The following SAE1 variants were observed in gnomAD, a reference collection of about 807,000 sequenced individuals.
SAE1 encodes the protein SUMO-activating enzyme subunit 1.
SAE1 carries 11 observed loss-of-function variants against 40.6 expected under a neutral mutation model. The ratio of observed to expected loss-of-function variants is 0.27; its 90% CI spans 0.17 to 0.45. The LOEUF (loss-of-function observed/expected upper bound fraction) is 0.45. SAE1 is among the 20% of genes least tolerant of loss of function. The pLI is 1.00. For synonymous variants in SAE1, 155 were observed against 154.3 expected (o/e 1.00, Z -0.03); for missense variants, 373 against 427.3 (o/e 0.87, Z 1.12).
intron 1 of SAE1, among the ~76,000 whole-genome samples, chr19:47,136,944 G>A (rs1249486153): frequency 6.6e-6 from 1 of 152,180 alleles, no homozygotes; most frequent in Non-Finnish European, 1.5e-5. Context: ...GGAGAACTCT[G>A]GAGACTGGAG....
In SAE1 at chr19:47,149,965, C is replaced by T. The variant is rs554739152; in HGVS notation, c.211-237C>T. Among the ~76,000 whole-genome samples the T allele has an allele frequency of 7.1e-4, 107 of 150,312 alleles. 1 individual carries two copies. Among genetic ancestry groups the T allele is most frequent in the Middle Eastern group, 6.8e-3 (2 of 292 alleles). On this transcript the variant is annotated intron_variant, in intron 2 of 8. Transcript: ENST00000270225. ...TGGTGCGTGCTTGTAGTCCCAGCTA[C>T]TTGGGAGGCTGAGGCAGGAGGAGAA...
chr19:47,194,683 G>A lies in SAE1; in HGVS notation c.734-2550G>A, dbSNP rs75377923. 3.7e-3 allele frequency among the ~76,000 whole-genome samples: 559 copies of A among 152,022 alleles called. 4 individuals are homozygous for A. The highest frequency in any genetic ancestry group is 0.013 in the African/African-American group (528 of 41,444). On this transcript the variant is annotated intron_variant, in intron 6 of 8. Coordinates refer to ENST00000270225, the MANE Select transcript of SAE1 (RefSeq NM_005500.3). ...AGGGAACAAGAATGCCTGCCCGCCC[G>A]CAGGCAGGTTACCTGTGGACAAGGT...
At chr19:47,169,740 G>A (rs2058418745) in intron 5 of SAE1, 78 bp from the exon 6 acceptor site, 1 of 918,198 alleles carries the variant, frequency 1.1e-6, no homozygotes, top group African/African-American at 1.7e-5. Flanking sequence ...AGATTTTTCT[G>A]CAATAGAGAA....
intron 6 of SAE1, among the ~76,000 whole-genome samples, chr19:47,180,909 A>G (rs2058501731): frequency 6.6e-6 from 1 of 152,186 alleles, no homozygotes; most frequent in Admixed American, 6.5e-5. Flanking sequence ...GAAATTAACA[A>G]TCTAGGGATG....
chr19:47,196,497 G>A (rs549778805), intron 6 of SAE1, among the ~76,000 whole-genome samples: 1 of 150,784 alleles, frequency 6.6e-6, no homozygotes, highest in Admixed American at 6.6e-5. Flanking sequence ...CCAAGTAGCT[G>A]GGACTACAGG....
intron 6 of SAE1, among the ~76,000 whole-genome samples, chr19:47,185,555 CTCTG>C (rs2123286571): frequency 6.6e-6 from 1 of 152,214 alleles, no homozygotes; most frequent in East Asian, 1.9e-4. Context: ...ATCCTCCCAC[CTCTG>C]TCTACCAAAG....
At chr19:47,138,434 A>G (rs1460362962) in intron 1 of SAE1, among the ~76,000 whole-genome samples, 2 of 152,246 alleles carry the variant, frequency 1.3e-5, no homozygotes, top group Non-Finnish European at 2.9e-5. Context: ...ATTAAATGAC[A>G]TAATACATAC....
intron 6 of SAE1, among the ~76,000 whole-genome samples, chr19:47,190,123 A>G (rs1339466365): frequency 6.6e-6 from 1 of 152,160 alleles, no homozygotes; most frequent in Non-Finnish European, 1.5e-5. Flanking sequence ...TCCAGCAATG[A>G]ATGTCATCCC....
At chr19:47,131,419 G>C (rs2058141466) in intron 1 of SAE1, among the ~76,000 whole-genome samples, 1 of 152,102 alleles carries the variant, frequency 6.6e-6, no homozygotes, top group Non-Finnish European at 1.5e-5. Flanking sequence ...GAGGGTATGG[G>C]ACCTGGTTCC....
At chr19:47,166,884 C>T (rs1486606475) in intron 5 of SAE1, among the ~76,000 whole-genome samples, 2 of 152,140 alleles carry the variant, frequency 1.3e-5, no homozygotes, top group Non-Finnish European at 2.9e-5. Context: ...TGTATACTAT[C>T]TTTAACAATG....
In SAE1 at chr19:47,210,397, G is replaced by C. The variant is rs1446655723; in HGVS notation, c.*1146G>C. 6.6e-6 allele frequency: 1 copy of C among 152,060 alleles called. No individual in the cohort carries two copies. Among genetic ancestry groups the C allele is most frequent in the Non-Finnish European group, 1.5e-5 (1 of 68,022 alleles). The allele number at this position is 152,060 out of a possible 1,614,324, so 9.4% of individuals were successfully genotyped here. On this transcript the variant is annotated 3_prime_UTR_variant, in exon 9 of 9. Transcript: ENST00000270225. ...AGCTTCTGGCTCCAGTTGTCTAATGGATAATTCAGCTAAATAGTGGCTATT... is the reference window on the plus strand; with the variant it reads ...AGCTTCTGGCTCCAGTTGTCTAATGCATAATTCAGCTAAATAGTGGCTATT...
intron 5 of SAE1, among the ~76,000 whole-genome samples, chr19:47,169,498 G>T (rs1038280496): frequency 6.6e-6 from 1 of 152,078 alleles, no homozygotes; most frequent in Non-Finnish European, 1.5e-5. Context: ...CGCCTGCCTC[G>T]GTCTCCAAAG....
intron 6 of SAE1, among the ~76,000 whole-genome samples, chr19:47,190,112 C>T (rs1362418208): frequency 6.6e-6 from 1 of 152,184 alleles, no homozygotes; most frequent in Non-Finnish European, 1.5e-5. Flanking sequence ...AGTCCATCAT[C>T]TCCAGCAATG....
At position 47,130,846 on chromosome 19, in the gene SAE1, G is replaced by C; in HGVS notation, c.-85G>C. The C allele has an allele frequency of 6.5e-7, 1 of 1,540,768 alleles. No homozygotes were observed. The highest frequency in any genetic ancestry group is 8.7e-7 in the Non-Finnish European group (1 of 1,143,158). On this transcript the variant is annotated 5_prime_UTR_variant, in exon 1 of 9. Transcript: ENST00000270225. ...GCATGCGCAGAAGCACTCCGGGCGT[G>C]CTGCCGGCGGCGGTAGGTGGCGCGC...
At chr19:47,159,072 T>C (rs1274783242) in intron 5 of SAE1, among the ~76,000 whole-genome samples, 1 of 152,196 alleles carries the variant, frequency 6.6e-6, no homozygotes, top group Admixed American at 6.5e-5. Flanking sequence ...CAGTGGTTAC[T>C]CTGTAATAGC....
Position 47,134,966 on chromosome 19 carries a change from T to G in SAE1, c.98+3938T>G, listed in dbSNP as rs1377074506. 7.2e-5 allele frequency among the ~76,000 whole-genome samples: 11 copies of G among 152,268 alleles called. No individual in the cohort carries two copies. In the East Asian group the frequency reaches 2.1e-3, roughly 29 times the overall value. On this transcript the variant is annotated intron_variant, in intron 1 of 8. Coordinates refer to ENST00000270225, the MANE Select transcript of SAE1 (RefSeq NM_005500.3). ...TTGTTTGTAATTTGTACTCTATTTTTAGACAGTCTTAGAGAGTTTATTAAA... is the reference window on the plus strand; with the variant it reads ...TTGTTTGTAATTTGTACTCTATTTTGAGACAGTCTTAGAGAGTTTATTAAA...
At chr19:47,132,278 T>TC (rs1275531090) in intron 1 of SAE1, among the ~76,000 whole-genome samples, 2 of 151,474 alleles carry the variant, frequency 1.3e-5, no homozygotes, top group African/African-American at 2.4e-5. Context: ...TTTTTTTTTT[T>TC]CTTTCTCTGT....
At chr19:47,182,508 C>CTGTGTGT (rs1555794406) in intron 6 of SAE1, among the ~76,000 whole-genome samples, 4 of 146,632 alleles carry the variant, frequency 2.7e-5, no homozygotes, top group African/African-American at 1.0e-4. Flanking sequence ...CGCGCACGCA[C>CTGTGTGT]GCGCGCGCGC....
chr19:47,176,592 C>T (rs1007727600), intron 6 of SAE1, among the ~76,000 whole-genome samples: 2 of 152,218 alleles, frequency 1.3e-5, no homozygotes, highest in African/African-American at 2.4e-5. Context: ...ATGCCTACCC[C>T]TGTGGCACCC....
Sources: gnomAD v4.1 joint callset for allele counts (sites outside exome capture counted in the v4.1 genomes callset) on GRCh38, gnomAD v4.1.1 for gene constraint, MANE v1.5 for transcripts, NCBI Gene and HGNC (gene_info 2026-07-23, HGNC 2026-07-21) for gene names.